Variants in DSC2 observed in about 807,000 individuals in gnomAD.
The protein encoded by DSC2 is desmocollin 2, also known as desmocollin-2.
DSC2 carries 51 observed loss-of-function variants against 87.6 expected under a neutral mutation model. The ratio of observed to expected loss-of-function variants is 0.58; its 90% confidence interval spans 0.46 to 0.74. DSC2 has a LOEUF of 0.74. Ranked by LOEUF, DSC2 falls within the 30% of genes least tolerant of loss-of-function variation. DSC2 has a pLI of 0.00. For missense variants in DSC2, 1,066 were observed against 1,089.5 expected (o/e 0.98, Z 0.30); for synonymous variants, 383 against 393.2 (o/e 0.97, Z 0.31).
intron 1 of DSC2, among the ~76,000 whole-genome samples, chr18:31,096,370 A>C (rs1987760977): frequency 1.3e-5 from 2 of 152,222 alleles, no homozygotes; most frequent in Admixed American, 1.3e-4. Flanking sequence ...TCTGATCTGC[A>C]AAGATTTGAC....
At chr18:31,098,121 T>C (rs1045025738) in intron 1 of DSC2, among the ~76,000 whole-genome samples, 3 of 152,230 alleles carry the variant, frequency 2.0e-5, no homozygotes, top group Non-Finnish European at 4.4e-5. Context: ...GAGGTGTTTT[T>C]TCGCCATGAA....
intron 11 of DSC2, among the ~76,000 whole-genome samples, chr18:31,078,055 TA>T (rs1987079890): frequency 6.6e-6 from 1 of 152,072 alleles, no homozygotes; most frequent in African/African-American, 2.4e-5. Flanking sequence ...GAGAGAGTTT[TA>T]AAAAGAGGAA....
At position 31,080,144 on chromosome 18, in the gene DSC2, T is replaced by C. The variant is rs770114301; in HGVS notation, c.1472A>G (p.Asn491Ser). 2 of 1,614,162 alleles carry C rather than the reference T, an allele frequency of 1.2e-6. No homozygotes were observed. The highest frequency in any genetic ancestry group is 1.1e-5 in the South Asian group (1 of 91,088). ...KENAEVGTTS[N>S]GYKAYDPETR... ...TTCTGGGTCATATGCTTTATATCCA[T>C]TGCTTGTTGTTCCCACTTCTGCATT... The change falls in exon 10 of 16, where the codon AAT becomes AGT. Residue 491 changes from asparagine to serine, a missense_variant. Asn to Ser is a conservative substitution (Grantham distance 46). Coordinates refer to ENST00000280904, the MANE Select transcript of DSC2 (RefSeq NM_024422.6).
intron 1 of DSC2, among the ~76,000 whole-genome samples, chr18:31,097,040 TGGGAGGCCGAGG>T (rs2144858476): frequency 6.6e-6 from 1 of 151,900 alleles, no homozygotes; most frequent in Admixed American, 6.6e-5. Flanking sequence ...ATTTCCACTT[TGGGAGGCCGAGG>T]TGGGCAGATC....
At chr18:31,070,437 T>C (rs778483860) in intron 14 of DSC2, among the ~76,000 whole-genome samples, 2 of 152,170 alleles carry the variant, frequency 1.3e-5, no homozygotes, top group Non-Finnish European at 2.9e-5. Flanking sequence ...GCAGTTGAAA[T>C]ATATACAAAA....
At chr18:31,098,277 A>G (rs1047096433) in intron 1 of DSC2, among the ~76,000 whole-genome samples, 1 of 152,196 alleles carries the variant, frequency 6.6e-6, no homozygotes, top group Non-Finnish European at 1.5e-5. Flanking sequence ...GTAGGGAAAC[A>G]TATTTTACAT....
intron 14 of DSC2, 150 bp downstream of exon 14, chr18:31,070,576 G>C: frequency 9.5e-7 from 1 of 1,055,158 alleles, no homozygotes; most frequent in Middle Eastern, 3.1e-4. Flanking sequence ...GTAAATCAAA[G>C]TCATTTTATC....
chr18:31,091,996 T>C (rs1567982720), intron 3 of DSC2, 105 bp downstream of exon 3: 3 of 1,248,236 alleles, frequency 2.4e-6, no homozygotes, highest in East Asian at 2.4e-5. Context: ...CATTCGTCTT[T>C]AAGCCAAACT....
At chr18:31,089,277 A>G (rs1014551752) in intron 5 of DSC2, among the ~76,000 whole-genome samples, 162 bp downstream of exon 5, 3 of 152,014 alleles carry the variant, frequency 2.0e-5, no homozygotes, top group Admixed American at 1.3e-4. Flanking sequence ...TATTTATTCT[A>G]TGAAAATATT....
In DSC2 at chr18:31,060,293, C is replaced by T. The variant is rs1031850522; in HGVS notation, c.*7722G>A. 6.6e-6 allele frequency: 1 copy of T among 151,874 alleles called. No individual in the cohort carries two copies. The highest frequency in any genetic ancestry group is 2.4e-5 in the African/African-American group (1 of 41,312). The allele number at this position is 151,874 out of a possible 1,614,324, so 9.4% of individuals were successfully genotyped here. The stretch of plus-strand genomic sequence containing the variant: ...TTTCATTGGTAATTCTGCATCACAT[C>T]TTGTGTATATTGACACCCTCTGCTC... On this transcript the variant is annotated 3_prime_UTR_variant, in exon 16 of 16. Transcript: ENST00000280904.
chr18:31,082,837 C>T (rs1987270738), intron 8 of DSC2, 89 bp downstream of exon 8: 40 of 1,455,526 alleles, frequency 2.7e-5, no homozygotes, highest in Non-Finnish European at 3.4e-5. Flanking sequence ...AGATTACAGG[C>T]GTGAGCCACT....
At chr18:31,083,496 G>A (rs1304633409) in intron 7 of DSC2, among the ~76,000 whole-genome samples, 2 of 152,150 alleles carry the variant, frequency 1.3e-5, no homozygotes, top group African/African-American at 2.4e-5. Flanking sequence ...ATTTAAAATT[G>A]CCTGGTAATT....
chr18:31,070,600 C>A, intron 14 of DSC2, 126 bp downstream of exon 14: 2 of 1,285,338 alleles, frequency 1.6e-6, no homozygotes, highest in Admixed American at 1.9e-5. Flanking sequence ...TTCAGGGGAC[C>A]CATGACATTC....
intron 4 of DSC2, 148 bp from the exon 5 acceptor site, chr18:31,089,742 A>G (rs886990160): frequency 1.3e-6 from 1 of 792,544 alleles, no homozygotes; most frequent in African/African-American, 1.8e-5. Context: ...GCAATAGAAT[A>G]AGAAAGTCCA....
chr18:31,098,128 T>C lies in DSC2; in HGVS notation c.69+3775A>G, dbSNP rs1019801944. Among the ~76,000 whole-genome samples, 8 of 152,320 alleles carry C rather than the reference T, an allele frequency of 5.3e-5. No individual in the cohort carries two copies. In the East Asian group the frequency reaches 1.3e-3, roughly 26 times the overall value. On this transcript the variant is annotated intron_variant, in intron 1 of 15. Transcript: ENST00000280904. ...GTTGGTTAGAGGTGTTTTTTCGCCA[T>C]GAAGAAGTATGTATATATGTACTCT... is the stretch of plus-strand genomic sequence containing the variant.
rs992502013 is a variant in DSC2, at chr18:31,062,681, G to A, written c.*5334C>T. 1.3e-5 allele frequency: 2 copies of A among 152,150 alleles called. No individual in the cohort carries two copies. The highest frequency in any genetic ancestry group is 2.4e-5 in the African/African-American group (1 of 41,424). The allele number at this position is 152,150 out of a possible 1,614,324, so 9.4% of individuals were successfully genotyped here. On this transcript the variant is annotated 3_prime_UTR_variant, in exon 16 of 16. Coordinates refer to ENST00000280904, the MANE Select transcript of DSC2 (RefSeq NM_024422.6). The stretch of plus-strand genomic sequence containing the variant: ...ACCCTTGGGGGTTACATTTCAATAT[G>A]GGGCAATTATTGGTGGCTACAAGTA...
In DSC2 at chr18:31,068,941, AT is replaced by A. The variant is rs1323543247; in HGVS notation, c.2460del (p.Arg820SerfsTer36). ...RGGHTEVDNC[R>X]YTYSEWHSFT... Reference sequence around the variant, plus strand: ...AAACTGTGCCACTCCGAGTAAGTGTATCTGCAGTTGTCCACCTCCGTGTGTC... The same window carrying A: ...AAACTGTGCCACTCCGAGTAAGTGTACTGCAGTTGTCCACCTCCGTGTGTC... On this transcript the variant is annotated frameshift_variant, in exon 15 of 16. Coordinates refer to ENST00000280904, the MANE Select transcript of DSC2 (RefSeq NM_024422.6). LOFTEE classifies it low-confidence loss of function (END_TRUNC). The A allele has an allele frequency of 6.2e-7, 1 of 1,614,034 alleles. No homozygotes were observed. The highest frequency in any genetic ancestry group is 1.3e-5 in the African/African-American group (1 of 75,010).
At chr18:31,088,748 C>A (rs1390981351) in intron 5 of DSC2, among the ~76,000 whole-genome samples, 1 of 152,100 alleles carries the variant, frequency 6.6e-6, no homozygotes, top group African/African-American at 2.4e-5. Context: ...CTACCTGCTC[C>A]CCATAAACTA....
intron 7 of DSC2, among the ~76,000 whole-genome samples, chr18:31,085,603 A>C (rs1474299461): frequency 6.6e-6 from 1 of 151,966 alleles, no homozygotes; most frequent in Non-Finnish European, 1.5e-5. Flanking sequence ...AGTATTCAAC[A>C]ATATTTAACA....
Sources: allele counts gnomAD v4.1 joint callset (sites outside exome capture counted in the v4.1 genomes callset), GRCh38; gene constraint gnomAD v4.1.1; transcripts MANE v1.5; gene names NCBI Gene and HGNC (gene_info 2026-07-23, HGNC 2026-07-21).